Variants in TRPM3 observed in about 807,000 individuals in gnomAD.
The protein encoded by TRPM3 is transient receptor potential cation channel subfamily M member 3, also known as long transient receptor potential channel 3.
Under a neutral mutation model 181.2 loss-of-function variants are expected in TRPM3, and 77 were observed. The observed-to-expected ratio is 0.42, with a 90% CI of 0.35 to 0.51. TRPM3 has a LOEUF of 0.51. Among genes scored for constraint, TRPM3 ranks in the 20% least tolerant of loss-of-function variants. The pLI is 0.01. For missense variants in TRPM3, 1,759 were observed against 2,196.7 expected (o/e 0.80, Z 3.98); for synonymous variants, 745 against 796.4 (o/e 0.94, Z 1.09).
At chr9:71,222,700 C>T (rs2080312621) in intron 1 of TRPM3, among the ~76,000 whole-genome samples, 1 of 152,184 alleles carries the variant, frequency 6.6e-6, no homozygotes, top group South Asian at 2.1e-4. Flanking sequence ...CACCATCACT[C>T]CCCCATCCCC....
chr9:71,174,538 T>C (rs2077014989), intron 1 of TRPM3, among the ~76,000 whole-genome samples: 1 of 150,322 alleles, frequency 6.7e-6, no homozygotes, highest in African/African-American at 2.5e-5. Flanking sequence ...TGAGACTCCA[T>C]CTCCAAAAAA....
chr9:71,310,855 G>A (rs554818724), intron 1 of TRPM3, among the ~76,000 whole-genome samples: 1 of 152,116 alleles, frequency 6.6e-6, no homozygotes, highest in African/African-American at 2.4e-5. Flanking sequence ...TTAACCTGAT[G>A]ATAAAACAGC....
intron 7 of TRPM3, among the ~76,000 whole-genome samples, chr9:70,780,558 A>G (rs17055804): frequency 0.052 from 7,867 of 152,062 alleles, 243 homozygotes; most frequent in South Asian, 0.11. Context: ...AACATAAAGC[A>G]CACTACTGCA....
intron 1 of TRPM3, among the ~76,000 whole-genome samples, chr9:71,192,782 T>C (rs2078112239): frequency 6.6e-6 from 1 of 151,858 alleles, no homozygotes; most frequent in South Asian, 2.1e-4. Context: ...TGTTTATTTG[T>C]GCTTCTGTTG....
chr9:71,430,553 C>T lies in TRPM3; in HGVS notation c.183+16100G>A, dbSNP rs145191157. ...TGGTGGCTGGGTACAGTGGCTCACA[C>T]CTGTAATCCCAGCACTTTGGGAGGC... On this transcript the variant is annotated intron_variant, in intron 1 of 24. Transcript: ENST00000357533. Among the ~76,000 whole-genome samples, 1,470 of 152,280 alleles carry T rather than the reference C, an allele frequency of 9.7e-3. 22 individuals are homozygous for T. Among genetic ancestry groups the T allele is most frequent in the African/African-American group, 0.034 (1,395 of 41,550 alleles).
At chr9:71,251,418 G>A (rs995405309) in intron 1 of TRPM3, among the ~76,000 whole-genome samples, 6 of 151,560 alleles carry the variant, frequency 4.0e-5, no homozygotes, top group African/African-American at 7.3e-5. Flanking sequence ...TCATTTTTTT[G>A]CAATCCCATA....
intron 1 of TRPM3, among the ~76,000 whole-genome samples, chr9:71,194,333 C>T (rs1014483290): frequency 6.6e-6 from 1 of 151,814 alleles, no homozygotes; most frequent in East Asian, 1.9e-4. Flanking sequence ...TTTCATAAAC[C>T]CTGTTTCCTC....
intron 1 of TRPM3, among the ~76,000 whole-genome samples, chr9:71,298,583 T>C (rs572350312): frequency 5.3e-5 from 8 of 152,198 alleles, no homozygotes; most frequent in Non-Finnish European, 8.8e-5. Context: ...TATACCATCA[T>C]CTACTTTTTA....
At chr9:70,939,468 A>G (rs960574232) in intron 1 of TRPM3, among the ~76,000 whole-genome samples, 1 of 152,206 alleles carries the variant, frequency 6.6e-6, no homozygotes, top group Non-Finnish European at 1.5e-5. Context: ...AACTGCTTAG[A>G]GCAACATAGG....
chr9:70,774,020 T>C (rs986504165), intron 7 of TRPM3: 9 of 152,212 alleles, frequency 5.9e-5, no homozygotes, highest in African/African-American at 1.7e-4. Flanking sequence ...TCAGCAGACA[T>C]TGTTAATCTA....
chr9:71,085,860 GA>G (rs1028508713), intron 1 of TRPM3, among the ~76,000 whole-genome samples: 1 of 151,978 alleles, frequency 6.6e-6, no homozygotes, highest in Non-Finnish European at 1.5e-5. Flanking sequence ...ATATCCAAAA[GA>G]AAACAAATTG....
chr9:71,379,521 T>G (rs1285800959), intron 1 of TRPM3, among the ~76,000 whole-genome samples: 1 of 152,012 alleles, frequency 6.6e-6, no homozygotes, highest in Non-Finnish European at 1.5e-5. Flanking sequence ...CAGTGGCTCT[T>G]AATTCTGGCT....
At chr9:71,270,461 C>T (rs2083706791) in intron 1 of TRPM3, among the ~76,000 whole-genome samples, 1 of 152,200 alleles carries the variant, frequency 6.6e-6, no homozygotes, top group Admixed American at 6.5e-5. Context: ...CTGGACTCAT[C>T]CTATATAACC....
intron 25 of TRPM3, among the ~76,000 whole-genome samples, chr9:70,546,098 C>G (rs1463562887): frequency 6.6e-6 from 1 of 152,180 alleles, no homozygotes; most frequent in African/African-American, 2.4e-5. Flanking sequence ...TACAAGCAAT[C>G]TGTACTCAGT....
rs1335826856 is a variant in TRPM3, at chr9:70,828,024, G to C, written c.802-6C>G. The C allele has an allele frequency of 1.2e-6, 2 of 1,608,104 alleles. No individual in the cohort carries two copies. Among genetic ancestry groups the C allele is most frequent in the African/African-American group, 1.3e-5 (1 of 74,754 alleles). On this transcript the variant is annotated splice_polypyrimidine_tract_variant and splice_region_variant and intron_variant, in intron 5 of 25. Coordinates refer to ENST00000677713, the MANE Select transcript of TRPM3 (RefSeq NM_001366145.2). ...GTCTGGTATGGCCGGACAACCTGCA[G>C]GGTATCAAATGGAAGAGGCAGAAGT...
chr9:71,053,850 T>C (rs1414076502), intron 1 of TRPM3, among the ~76,000 whole-genome samples: 3 of 152,074 alleles, frequency 2.0e-5, no homozygotes, highest in African/African-American at 4.8e-5. Flanking sequence ...TACATATTAC[T>C]GGCCAACTAT....
chr9:71,037,103 G>A (rs2058296048), intron 1 of TRPM3, among the ~76,000 whole-genome samples: 1 of 152,170 alleles, frequency 6.6e-6, no homozygotes, highest in Non-Finnish European at 1.5e-5. Flanking sequence ...CATATGAAGT[G>A]TGTGTACTAT....
At chr9:70,961,298 C>T (rs1163597628) in intron 1 of TRPM3, among the ~76,000 whole-genome samples, 1 of 55,192 alleles carries the variant, frequency 1.8e-5, no homozygotes, top group Non-Finnish European at 3.7e-5. Context: ...ACATACAGCT[C>T]TGCAACACCT....
chr9:70,775,911 C>G (rs1042517573), intron 7 of TRPM3: 1 of 152,210 alleles, frequency 6.6e-6, no homozygotes. Context: ...ATGGCTAGAT[C>G]AAGCTAATTA....
Sources: allele counts gnomAD v4.1 joint callset (sites outside exome capture counted in the v4.1 genomes callset), GRCh38; gene constraint gnomAD v4.1.1; transcripts MANE v1.5; gene names NCBI Gene and HGNC (gene_info 2026-07-23, HGNC 2026-07-21).